The following SNTG1 variants were observed in gnomAD, a reference collection of about 807,000 sequenced individuals.
SNTG1 encodes the protein gamma-1-syntrophin.
A neutral mutation model predicts 74.7 loss-of-function variants in SNTG1; 39 were observed. The observed-to-expected ratio is 0.52, with a 90% CI of 0.40 to 0.68. The LOEUF is 0.68. Ranked by LOEUF, SNTG1 falls within the 30% of genes least tolerant of loss-of-function variation. The pLI, the probability that SNTG1 is intolerant of heterozygous loss-of-function variation, is 0.00. For missense variants in SNTG1, 685 were observed against 609.5 expected, an observed-to-expected ratio of 1.12 and a Z score of -1.30; for synonymous variants, 254 against 217.1, an observed-to-expected ratio of 1.17 and a Z score of -1.49.
chr8:50,715,429 A>G (rs1318094241), intron 17 of SNTG1, among the ~76,000 whole-genome samples: 3 of 152,144 alleles, frequency 2.0e-5, no homozygotes, highest in African/African-American at 7.2e-5. Flanking sequence ...AATACTTATA[A>G]AGGCTTCTTT....
intron 1 of SNTG1, among the ~76,000 whole-genome samples, chr8:49,922,764 A>G (rs1806668944): frequency 6.6e-6 from 1 of 152,156 alleles, no homozygotes; most frequent in Non-Finnish European, 1.5e-5. Context: ...TGAAATAATC[A>G]AATCTTTTAT....
intron 1 of SNTG1, among the ~76,000 whole-genome samples, chr8:49,977,226 C>CA (rs1812274147): frequency 6.6e-6 from 1 of 151,642 alleles, no homozygotes. Flanking sequence ...CATATGACTG[C>CA]AAAGCATGTT....
chr8:50,432,739 A>T lies in SNTG1; in HGVS notation c.163-5804A>T, dbSNP rs1376840328. On this transcript the variant is annotated intron_variant, in intron 4 of 18. Coordinates refer to ENST00000642720, the MANE Select transcript of SNTG1 (RefSeq NM_018967.5). Reference sequence around the variant, plus strand: ...ATCCTATTAGTATTATGTTAGATTTATACCAAAATATTTTTCTTTTATTTT... The same window carrying T: ...ATCCTATTAGTATTATGTTAGATTTTTACCAAAATATTTTTCTTTTATTTT... 3.3e-5 allele frequency among the ~76,000 whole-genome samples: 5 copies of T among 151,828 alleles called. No individual in the cohort carries two copies. In the East Asian group the frequency reaches 9.6e-4, roughly 29 times the overall value.
At chr8:50,503,502 C>T (rs964715417) in intron 9 of SNTG1, among the ~76,000 whole-genome samples, 5 of 152,196 alleles carry the variant, frequency 3.3e-5, no homozygotes, top group Non-Finnish European at 7.4e-5. Flanking sequence ...GCTTAATCCA[C>T]TTCTTACAAT....
chr8:50,017,235 G>A (rs1268381181), intron 1 of SNTG1, among the ~76,000 whole-genome samples: 3 of 151,728 alleles, frequency 2.0e-5, no homozygotes, highest in Non-Finnish European at 4.4e-5. Context: ...AATTGTATAA[G>A]CAATAATTAT....
chr8:50,097,115 G>A (rs960804902), intron 1 of SNTG1, among the ~76,000 whole-genome samples: 2 of 151,954 alleles, frequency 1.3e-5, no homozygotes, highest in Non-Finnish European at 2.9e-5. Flanking sequence ...GACTACAGGT[G>A]CCCACCACCA....
At chr8:50,531,684 T>C (rs1022565805) in intron 10 of SNTG1, among the ~76,000 whole-genome samples, 1 of 152,194 alleles carries the variant, frequency 6.6e-6, no homozygotes, top group Non-Finnish European at 1.5e-5. Flanking sequence ...TGGCACCACA[T>C]GCCCTGCTTC....
chr8:50,286,694 T>G (rs1014319327), intron 2 of SNTG1: 1 of 152,208 alleles, frequency 6.6e-6, no homozygotes, highest in African/African-American at 2.4e-5. Flanking sequence ...TTAATTGCAC[T>G]ATGTTAAAAT....
At chr8:50,719,824 T>A (rs987686563) in intron 17 of SNTG1, among the ~76,000 whole-genome samples, 2 of 152,226 alleles carry the variant, frequency 1.3e-5, no homozygotes, top group Non-Finnish European at 2.9e-5. Flanking sequence ...TAATCTATAA[T>A]GTTTGAGTTT....
intron 2 of SNTG1, among the ~76,000 whole-genome samples, chr8:50,258,416 T>A (rs1586868377): frequency 6.6e-6 from 1 of 152,168 alleles, no homozygotes; most frequent in East Asian, 1.9e-4. Context: ...GACAAGAAGG[T>A]GTCATCCATA....
intron 12 of SNTG1, among the ~76,000 whole-genome samples, chr8:50,578,850 T>G (rs1392368588): frequency 4.6e-5 from 7 of 152,164 alleles, no homozygotes; most frequent in Admixed American, 2.0e-4. Context: ...TTACCCAGAC[T>G]TGGGTATGTC....
At chr8:50,756,544 T>A (rs1465290055) in intron 18 of SNTG1, among the ~76,000 whole-genome samples, 1 of 151,816 alleles carries the variant, frequency 6.6e-6, no homozygotes, top group Non-Finnish European at 1.5e-5. Flanking sequence ...TCCATTGTAT[T>A]TTTTTGCTCC....
intron 2 of SNTG1, among the ~76,000 whole-genome samples, chr8:50,183,499 C>T (rs946569059): frequency 6.6e-6 from 1 of 152,152 alleles, no homozygotes; most frequent in Non-Finnish European, 1.5e-5. Context: ...AGTCCTCAAC[C>T]CTTTACCTTC....
At chr8:50,155,161 A>G (rs2082213322) in intron 1 of SNTG1, among the ~76,000 whole-genome samples, 1 of 152,234 alleles carries the variant, frequency 6.6e-6, no homozygotes, top group Admixed American at 6.5e-5. Context: ...GTGCTGCTGC[A>G]TTTGAAAGCT....
chr8:50,520,815 C>T (rs895203958), intron 9 of SNTG1, among the ~76,000 whole-genome samples: 2 of 152,176 alleles, frequency 1.3e-5, no homozygotes, highest in African/African-American at 4.8e-5. Context: ...CGCTTTTACA[C>T]TGTTGGTGGG....
rs763999461 is a variant in SNTG1, at chr8:50,633,813, G to T, written c.850-23096G>T. 2.6e-5 allele frequency among the ~76,000 whole-genome samples: 4 copies of T among 152,166 alleles called. No individual in the cohort carries two copies. In the South Asian group the frequency reaches 8.3e-4, roughly 31 times the overall value. On this transcript the variant is annotated intron_variant, in intron 13 of 18. Transcript: ENST00000642720. ...TGCCAGTATTTAATCAATGGGATTT[G>T]GGAAGTGTTCACAGTGTAGGAGAGG...
At position 50,395,510 on chromosome 8, in the gene SNTG1, T is replaced by TTTG. The variant is rs1450967737; in HGVS notation, c.27+1247_27+1248insGTT. Among the ~76,000 whole-genome samples, 14 of 149,478 alleles carry TTTG rather than the reference T, an allele frequency of 9.4e-5. 1 individual carries two copies. In the South Asian group the frequency reaches 1.1e-3, roughly 11 times the overall value. ...AATTTTAATTGTCTAATTTCTGTTT[T>TTTG]TTTTTTTTTTTTTAATGGAGTCTCA... On this transcript the variant is annotated intron_variant, in intron 3 of 18. Transcript: ENST00000642720.
Position 50,414,465 on chromosome 8 carries a change from C to T in SNTG1, c.162+12121C>T, listed in dbSNP as rs542036665. Among the ~76,000 whole-genome samples the T allele has an allele frequency of 9.9e-4, 150 of 152,064 alleles. 1 individual carries two copies. The highest frequency in any genetic ancestry group is 3.3e-3 in the African/African-American group (137 of 41,490). Reference sequence around the variant, plus strand: ...CTAAGAGAGTTTTCTATGCAGGTGACGGTGCCTCTCCTGTCCTGCTTGGGT... The same window carrying T: ...CTAAGAGAGTTTTCTATGCAGGTGATGGTGCCTCTCCTGTCCTGCTTGGGT... On this transcript the variant is annotated intron_variant, in intron 4 of 18. Transcript: ENST00000642720.
chr8:50,432,086 A>T (rs990718812), intron 4 of SNTG1, among the ~76,000 whole-genome samples: 2 of 152,008 alleles, frequency 1.3e-5, no homozygotes, highest in Middle Eastern at 3.4e-3. Context: ...GTATCTAAAA[A>T]CTCATCACTA....
Sources: gnomAD v4.1 joint callset for allele counts (sites outside exome capture counted in the v4.1 genomes callset) on GRCh38, gnomAD v4.1.1 for gene constraint, MANE v1.5 for transcripts, NCBI Gene and HGNC (gene_info 2026-07-23, HGNC 2026-07-21) for gene names.